MYO5B: variants seen among roughly 807,000 people sequenced by gnomAD.
MYO5B encodes the protein myosin VB.
In MYO5B, 143 loss-of-function variants were observed where a neutral mutation model predicts 229.3. The observed-to-expected ratio is 0.62, with a 90% CI of 0.54 to 0.72. The LOEUF (loss-of-function observed/expected upper bound fraction) is 0.72, where lower values mean the gene tolerates loss of function less well. Among genes scored for constraint, MYO5B ranks in the 30% least tolerant of loss-of-function variants. MYO5B has a pLI of 0.00. For synonymous variants in MYO5B, 918 were observed against 885.2 expected, an observed-to-expected ratio of 1.04 and a Z score of -0.66; for missense variants, 2,321 against 2,331.0, an observed-to-expected ratio of 1.00 and a Z score of 0.09.
intron 1 of MYO5B, among the ~76,000 whole-genome samples, chr18:50,071,861 A>C (rs1244483996): frequency 6.6e-6 from 1 of 152,246 alleles, no homozygotes. Flanking sequence ...TAAGAGCTAT[A>C]GGGGAGCATC....
intron 1 of MYO5B, among the ~76,000 whole-genome samples, chr18:50,102,337 C>G (rs72917872): frequency 6.6e-6 from 1 of 151,554 alleles, no homozygotes; most frequent in Non-Finnish European, 1.5e-5. Flanking sequence ...GTTCTGCATA[C>G]ATATCCTACC....
chr18:49,911,900 C>CT (rs2024962261), intron 18 of MYO5B, among the ~76,000 whole-genome samples, 162 bp downstream of exon 18: 2 of 151,974 alleles, frequency 1.3e-5, no homozygotes, highest in African/African-American at 2.4e-5. Context: ...GAATGGGTTG[C>CT]TTTTTTTTCT....
chr18:49,930,784 C>T (rs1017932126), intron 16 of MYO5B, among the ~76,000 whole-genome samples: 9 of 151,430 alleles, frequency 5.9e-5, no homozygotes, highest in East Asian at 3.9e-4. Flanking sequence ...CCCAGCTACT[C>T]GGGAGGCTGA....
chr18:49,896,445 A>G (rs1333055084), intron 21 of MYO5B, among the ~76,000 whole-genome samples: 2 of 152,188 alleles, frequency 1.3e-5, no homozygotes, highest in Non-Finnish European at 2.9e-5. Context: ...CTGGGTCTCC[A>G]CTGGAGGCTG....
At chr18:49,938,248 A>G (rs2025272973) in intron 14 of MYO5B, among the ~76,000 whole-genome samples, 1 of 152,142 alleles carries the variant, frequency 6.6e-6, no homozygotes, top group South Asian at 2.1e-4. Context: ...GTTGTTATGA[A>G]TACTAAATAA....
chr18:50,143,474 GT>G (rs1430099311), intron 1 of MYO5B, among the ~76,000 whole-genome samples: 4 of 152,318 alleles, frequency 2.6e-5, no homozygotes, highest in South Asian at 4.1e-4. Flanking sequence ...GTATTTAGGA[GT>G]TGTTGAACAG....
intron 1 of MYO5B, among the ~76,000 whole-genome samples, chr18:50,124,619 G>A (rs2032126990): frequency 1.3e-5 from 2 of 152,190 alleles, no homozygotes; most frequent in East Asian, 1.9e-4. Context: ...GGAAAGACAT[G>A]TATAGCCTGC....
In MYO5B at chr18:49,904,692, C is replaced by A; in HGVS notation, c.2551G>T (p.Val851Leu). The change falls in exon 20 of 40, where the codon GTG becomes TTG. Residue 851 changes from valine (V) to leucine (L), a missense_variant. Transcript: ENST00000285039. ...CTCACCTGGCGGTAGGTTCTCCGCACAAACATGGCCCGGGTGAAGGCCTGG... is the reference window on the plus strand; with the variant it reads ...CTCACCTGGCGGTAGGTTCTCCGCAAAAACATGGCCCGGGTGAAGGCCTGG... ...VIQAFTRAMFVRRTYRQVLME... is the reference protein window; with the variant it reads ...VIQAFTRAMFLRRTYRQVLME... 6.2e-7 allele frequency: 1 copy of A among 1,613,980 alleles called. No individual in the cohort carries two copies. Among genetic ancestry groups the A allele is most frequent in the Non-Finnish European group, 8.5e-7 (1 of 1,180,044 alleles).
chr18:50,037,220 C>A (rs1253625525), intron 3 of MYO5B, among the ~76,000 whole-genome samples: 1 of 148,092 alleles, frequency 6.8e-6, no homozygotes. Context: ...CACACAAACA[C>A]ACACACACAC....
intron 25 of MYO5B, 142 bp downstream of exon 25, chr18:49,877,621 G>T: frequency 9.1e-7 from 1 of 1,094,308 alleles, no homozygotes; most frequent in Non-Finnish European, 1.4e-6. Context: ...TGTAGTCCAA[G>T]TGATCCTGCT....
chr18:50,194,942 C>T lies in MYO5B; in HGVS notation c.-149G>A, dbSNP rs1271728182. On this transcript the variant is annotated 5_prime_UTR_variant, in exon 1 of 40. Coordinates refer to ENST00000285039, the MANE Select transcript of MYO5B (RefSeq NM_001080467.3). Reference sequence around the variant, plus strand: ...TCCGACCTGCCCCGCCGGCTTCCCGCAGGCGCCGCGGCCGGCTCGCTCCCG... The same window carrying T: ...TCCGACCTGCCCCGCCGGCTTCCCGTAGGCGCCGCGGCCGGCTCGCTCCCG... 2 of 1,134,916 alleles carry T rather than the reference C, an allele frequency of 1.8e-6. No individual in the cohort carries two copies. The highest frequency in any genetic ancestry group is 3.5e-5 in the East Asian group (1 of 28,536). The allele number at this position is 1,134,916 out of a possible 1,614,324, so 70.3% of individuals were successfully genotyped here.
intron 39 of MYO5B, among the ~76,000 whole-genome samples, chr18:49,827,977 T>C (rs1244216215): frequency 6.6e-6 from 1 of 152,162 alleles, no homozygotes; most frequent in Non-Finnish European, 1.5e-5. Flanking sequence ...CATGGGGGAT[T>C]GGTTCCAGGA....
chr18:49,990,678 C>T (rs186385481), intron 6 of MYO5B, among the ~76,000 whole-genome samples, 158 bp from the exon 7 acceptor site: 5 of 152,276 alleles, frequency 3.3e-5, no homozygotes, highest in African/African-American at 4.8e-5. Context: ...TCCCACTTTC[C>T]GACTTTCTAT....
At chr18:50,043,531 A>AT (rs1204481066) in intron 2 of MYO5B, among the ~76,000 whole-genome samples, 1 of 107,324 alleles carries the variant, frequency 9.3e-6, no homozygotes, top group African/African-American at 3.6e-5. Context: ...ATATAAATAT[A>AT]TTTTATATAT....
chr18:50,129,544 AG>A (rs562709077), intron 1 of MYO5B, among the ~76,000 whole-genome samples: 133 of 152,350 alleles, frequency 8.7e-4, no homozygotes, highest in African/African-American at 3.1e-3. Flanking sequence ...CTGTACTTAC[AG>A]ACACCTCACC....
At position 49,825,224 on chromosome 18, in the gene MYO5B, T is replaced by C. The variant is rs1488697524; in HGVS notation, c.*1247A>G. ...TGGGTTTCCAATTGAATGCTTGCTT[T>C]TGAAGAAACCAAAAACAAGTTAAAA... On this transcript the variant is annotated 3_prime_UTR_variant, in exon 40 of 40. Coordinates refer to ENST00000285039, the MANE Select transcript of MYO5B (RefSeq NM_001080467.3). 1 of 152,224 alleles carries C rather than the reference T, an allele frequency of 6.6e-6. No individual in the cohort carries two copies. Among genetic ancestry groups the C allele is most frequent in the Non-Finnish European group, 1.5e-5 (1 of 68,032 alleles). 9.4% of individuals were successfully genotyped at this position (152,224 alleles called of 1,614,324 possible).
rs2024142767 is a variant in MYO5B, at chr18:49,847,361, G to A, written c.4316-72C>T. The A allele has an allele frequency of 7.7e-6, 12 of 1,558,512 alleles. No homozygotes were observed. In the South Asian group the frequency reaches 1.4e-4, roughly 18 times the overall value. On this transcript the variant is annotated intron_variant, in intron 32 of 39. Transcript: ENST00000285039. ...AGGCCTGAGGGTAGCGGGCATCTCT[G>A]GCGGGTGGAGGATGGGACCTGGGGC...
intron 22 of MYO5B, 147 bp from the exon 23 acceptor site, chr18:49,880,602 A>G (rs145359664): frequency 1.4e-6 from 1 of 727,536 alleles, no homozygotes; most frequent in African/African-American, 1.7e-5. Context: ...TTTCAAGGAA[A>G]AATTGTGTAC....
intron 1 of MYO5B, among the ~76,000 whole-genome samples, chr18:50,190,849 A>T (rs556110342): frequency 6.6e-6 from 1 of 152,348 alleles, no homozygotes; most frequent in African/African-American, 2.4e-5. Context: ...AACAGGTATA[A>T]TCAAAGGGCT....
Sources: gnomAD v4.1 joint callset for allele counts (sites outside exome capture counted in the v4.1 genomes callset) on GRCh38, gnomAD v4.1.1 for gene constraint, MANE v1.5 for transcripts, NCBI Gene and HGNC (gene_info 2026-07-23, HGNC 2026-07-21) for gene names.